MAD1L1: variants seen among roughly 807,000 people sequenced by gnomAD.
MAD1L1 encodes mitotic arrest deficient 1 like 1.
In MAD1L1, 95 loss-of-function variants were observed where a neutral mutation model predicts 96.9. That is an observed-to-expected ratio of 0.98 (90% CI 0.83 to 1.16). MAD1L1 has a LOEUF of 1.16. Among genes scored for constraint, MAD1L1 ranks in the 50% most tolerant of loss-of-function variants. The pLI is 0.00. For synonymous variants in MAD1L1, 473 were observed against 396.6 expected (o/e 1.19, Z -2.29); for missense variants, 1,007 against 954.4 (o/e 1.06, Z -0.73).
At chr7:2,120,459 C>T (rs1025622292) in intron 11 of MAD1L1, among the ~76,000 whole-genome samples, 23 of 152,212 alleles carry the variant, frequency 1.5e-4, no homozygotes, top group African/African-American at 4.6e-4. Context: ...GGGTCACCAC[C>T]CTGCAATCTG....
At chr7:2,216,123 C>G (rs369340941) in intron 8 of MAD1L1, 34 bp downstream of exon 8, 1 of 1,608,732 alleles carries the variant, frequency 6.2e-7, no homozygotes, top group Admixed American at 1.7e-5. Context: ...CAGACTCACT[C>G]GAGGCGGCTG....
At chr7:1,936,562 C>T (rs2128463766) in intron 17 of MAD1L1, 125 bp downstream of exon 17, 1 of 1,019,966 alleles carries the variant, frequency 9.8e-7, no homozygotes, top group East Asian at 2.6e-5. Context: ...CCCGGCTGCC[C>T]ACAGGGGAGG....
chr7:1,842,614 T>G (rs1783335092), intron 18 of MAD1L1, among the ~76,000 whole-genome samples: 1 of 152,256 alleles, frequency 6.6e-6, no homozygotes, highest in Non-Finnish European at 1.5e-5. Context: ...CAGACAGCTA[T>G]GCTTCTTCAG....
chr7:1,843,879 G>A (rs1159775920), intron 18 of MAD1L1, among the ~76,000 whole-genome samples: 1 of 152,194 alleles, frequency 6.6e-6, no homozygotes, highest in Non-Finnish European at 1.5e-5. Flanking sequence ...ACCTCCCCTC[G>A]GCTGTCAGCC....
intron 15 of MAD1L1, among the ~76,000 whole-genome samples, chr7:1,960,556 G>A (rs1208856501): frequency 6.6e-6 from 1 of 152,180 alleles, no homozygotes; most frequent in Non-Finnish European, 1.5e-5. Flanking sequence ...TTATTACCAA[G>A]AAGGTAACTT....
Position 1,827,695 on chromosome 7 carries a change from GTCCC to G in MAD1L1, c.1999-11471_1999-11468del, listed in dbSNP as rs1782493001. Among the ~76,000 whole-genome samples, 5 of 76,368 alleles carry G rather than the reference GTCCC, an allele frequency of 6.5e-5. 1 individual carries two copies. Among genetic ancestry groups the G allele is most frequent in the Non-Finnish European group, 1.6e-4 (5 of 32,154 alleles). 50.1% of individuals were successfully genotyped at this position (76,368 alleles called of 152,430 possible). ...TGTGGGGGCCTCCCCTCCTGAGCCC[GTCCC>G]GGGTGTGGGGGCCTCCCCTCCTGAG... On this transcript the variant is annotated intron_variant, in intron 18 of 18. Coordinates refer to ENST00000265854, the MANE Select transcript of MAD1L1 (RefSeq NM_001013836.2).
intron 16 of MAD1L1, among the ~76,000 whole-genome samples, chr7:1,941,217 T>C (rs1778981829): frequency 1.3e-5 from 2 of 152,216 alleles, no homozygotes; most frequent in East Asian, 3.9e-4. Flanking sequence ...GGACGTCAAG[T>C]TCCCCGGGGT....
chr7:1,912,716 G>A (rs975879772), intron 17 of MAD1L1, among the ~76,000 whole-genome samples: 2 of 152,158 alleles, frequency 1.3e-5, no homozygotes, highest in South Asian at 2.1e-4. Flanking sequence ...CACCGCGCAC[G>A]CACCTCCCAG....
intron 18 of MAD1L1, among the ~76,000 whole-genome samples, chr7:1,878,547 G>A (rs1023659400): frequency 1.3e-5 from 2 of 148,966 alleles, no homozygotes; most frequent in Non-Finnish European, 3.0e-5. Context: ...GAATAATTAA[G>A]TTCATATGAA....
intron 12 of MAD1L1, among the ~76,000 whole-genome samples, chr7:2,055,669 CAAAAAA>C (rs35707803): frequency 4.4e-5 from 4 of 90,522 alleles, no homozygotes; most frequent in Admixed American, 2.4e-4. Flanking sequence ...GACCCTGTCT[CAAAAAA>C]AAAAAAAAAA....
intron 17 of MAD1L1, among the ~76,000 whole-genome samples, chr7:1,926,472 C>T (rs146894796): frequency 1.6e-4 from 24 of 152,264 alleles, no homozygotes; most frequent in Admixed American, 6.5e-4. Flanking sequence ...AGATTACTGA[C>T]GATGTCAGCA....
intron 10 of MAD1L1, among the ~76,000 whole-genome samples, chr7:2,176,066 G>A (rs1225331109): frequency 1.3e-5 from 2 of 152,218 alleles, no homozygotes; most frequent in Non-Finnish European, 2.9e-5. Context: ...CTAAGGATGA[G>A]TCTGGGTGCG....
At chr7:2,156,438 CT>C (rs1469538240) in intron 10 of MAD1L1, among the ~76,000 whole-genome samples, 1 of 152,178 alleles carries the variant, frequency 6.6e-6, no homozygotes, top group Admixed American at 6.5e-5. Context: ...CAAGACCCCC[CT>C]GAAGGCGGGG....
chr7:1,871,273 G>A (rs1187292926), intron 18 of MAD1L1, among the ~76,000 whole-genome samples: 3 of 132,616 alleles, frequency 2.3e-5, no homozygotes, highest in Admixed American at 7.9e-5. Flanking sequence ...AGCCTGCCAC[G>A]CTGAACCCAT....
chr7:1,960,175 T>A (rs1479145948), intron 15 of MAD1L1, among the ~76,000 whole-genome samples: 1 of 149,586 alleles, frequency 6.7e-6, no homozygotes, highest in Non-Finnish European at 1.5e-5. Context: ...TAACAAAGAC[T>A]TATAGCTAAG....
chr7:1,825,819 G>T (rs1440121199), intron 18 of MAD1L1, among the ~76,000 whole-genome samples: 1 of 152,154 alleles, frequency 6.6e-6, no homozygotes, highest in Admixed American at 6.5e-5. Flanking sequence ...TGCTGCTGGG[G>T]GTTAGAGGTC....
chr7:2,122,801 G>A (rs1000994643), intron 11 of MAD1L1, among the ~76,000 whole-genome samples: 8 of 152,214 alleles, frequency 5.3e-5, no homozygotes, highest in Non-Finnish European at 8.8e-5. Flanking sequence ...ACCCCCAGGC[G>A]CAGCTGGGAA....
chr7:1,998,256 G>C (rs1213757470), intron 14 of MAD1L1, among the ~76,000 whole-genome samples: 1 of 152,120 alleles, frequency 6.6e-6, no homozygotes, highest in Admixed American at 6.5e-5. Context: ...CCACAAAAGA[G>C]GACTGGAGTG....
intron 13 of MAD1L1, 104 bp downstream of exon 13, chr7:2,014,398 G>A: frequency 2.9e-6 from 4 of 1,393,134 alleles, no homozygotes; most frequent in Non-Finnish European, 3.8e-6. Flanking sequence ...CGGGAACTGG[G>A]GAGGCGGGGT....
Sources: gnomAD v4.1 joint callset for allele counts (sites outside exome capture counted in the v4.1 genomes callset) on GRCh38, gnomAD v4.1.1 for gene constraint, MANE v1.5 for transcripts, NCBI Gene and HGNC (gene_info 2026-07-23, HGNC 2026-07-21) for gene names.